The following CHD9 variants were observed in gnomAD, a reference collection of about 807,000 sequenced individuals.
CHD9 encodes chromodomain helicase DNA binding protein 9.
In CHD9, 77 loss-of-function variants were observed where a neutral mutation model predicts 316.1. The observed-to-expected ratio is 0.24, with a 90% CI of 0.20 to 0.29. The LOEUF (loss-of-function observed/expected upper bound fraction) is 0.29. Ranked by LOEUF, CHD9 falls within the 10% of genes least tolerant of loss-of-function variation. The pLI is 1.00. For missense variants in CHD9, 2,763 were observed against 3,438.1 expected (o/e 0.80, Z 4.91); for synonymous variants, 1,129 against 1,158.3 (o/e 0.97, Z 0.51).
chr16:53,156,419 A>G lies in CHD9; in HGVS notation c.330A>G (p.Gln110=). The change falls in exon 2 of 39, where the codon CAA becomes CAG. Residue 110 remains glutamine, a synonymous_variant. Coordinates refer to ENST00000447540, the MANE Select transcript of CHD9 (RefSeq NM_001308319.2). ...GTTCTCCAATCCATCCCCAAAACCA[A>G]CCCAATGGTTTGTTTCCAGATGTAT... ...FNCSPIHPQN[Q]PNGLFPDVSD... 1.2e-6 allele frequency: 2 copies of G among 1,613,944 alleles called. No homozygotes were observed. The highest frequency in any genetic ancestry group is 1.7e-6 in the Non-Finnish European group (2 of 1,179,880).
chr16:53,095,300 CT>C (rs1354221692), intron 1 of CHD9, among the ~76,000 whole-genome samples: 5 of 152,152 alleles, frequency 3.3e-5, no homozygotes, highest in Non-Finnish European at 7.3e-5. Context: ...AATATCAGCA[CT>C]TTGGGAGGGG....
At chr16:53,273,514 A>C (rs1021126549) in intron 22 of CHD9, 112 bp from the exon 23 acceptor site, 1 of 684,088 alleles carries the variant, frequency 1.5e-6, no homozygotes, top group Non-Finnish European at 2.4e-6. Context: ...TATTTTAAAG[A>C]TCTCTGAACA....
At chr16:53,262,211 T>G (rs2051207225) in intron 19 of CHD9, among the ~76,000 whole-genome samples, 1 of 152,180 alleles carries the variant, frequency 6.6e-6, no homozygotes, top group Non-Finnish European at 1.5e-5. Flanking sequence ...CTTCAATGCT[T>G]CTTTCATTTT....
intron 27 of CHD9, among the ~76,000 whole-genome samples, chr16:53,289,735 C>T (rs995368092): frequency 6.6e-5 from 10 of 152,154 alleles, no homozygotes; most frequent in Admixed American, 6.5e-4. Flanking sequence ...AGATAAAGCT[C>T]CCAAGGAAGA....
At chr16:53,073,927 C>T (rs1390504702) in intron 1 of CHD9, among the ~76,000 whole-genome samples, 4 of 152,100 alleles carry the variant, frequency 2.6e-5, no homozygotes, top group African/African-American at 7.2e-5. Context: ...AATGTGGAAG[C>T]GACTTTGGAA....
At chr16:53,118,505 GA>G in intron 1 of CHD9, among the ~76,000 whole-genome samples, 1 of 152,152 alleles carries the variant, frequency 6.6e-6, no homozygotes, top group African/African-American at 2.4e-5. Context: ...GGTAACCAGA[GA>G]AAAAGGCTAT....
At chr16:53,138,267 G>GA (rs888203483) in intron 1 of CHD9, among the ~76,000 whole-genome samples, 4 of 151,946 alleles carry the variant, frequency 2.6e-5, no homozygotes, top group East Asian at 1.9e-4. Context: ...CCATTAGTAA[G>GA]AAAAAAATGT....
In CHD9 at chr16:53,196,108, A is replaced by G. The variant is rs531752336; in HGVS notation, c.1453-13374A>G. On this transcript the variant is annotated intron_variant, in intron 2 of 38. Coordinates refer to ENST00000447540, the MANE Select transcript of CHD9 (RefSeq NM_001308319.2). Reference sequence around the variant, plus strand: ...CACAAGGGTAGAATCTTGCAAAACTATAGTACAGTATCACAGTCAAGAAAC... The same window carrying G: ...CACAAGGGTAGAATCTTGCAAAACTGTAGTACAGTATCACAGTCAAGAAAC... Among the ~76,000 whole-genome samples the G allele has an allele frequency of 4.6e-5, 7 of 152,306 alleles. No individual in the cohort carries two copies. In the East Asian group the frequency reaches 1.3e-3, roughly 29 times the overall value.
chr16:53,137,041 T>G (rs2039770626), intron 1 of CHD9, among the ~76,000 whole-genome samples: 3 of 151,944 alleles, frequency 2.0e-5, no homozygotes, highest in Admixed American at 6.6e-5. Flanking sequence ...TGGTGCAATC[T>G]CGGCTCACTG....
intron 2 of CHD9, among the ~76,000 whole-genome samples, chr16:53,164,651 G>T (rs960436976): frequency 4.0e-5 from 6 of 151,544 alleles, no homozygotes; most frequent in African/African-American, 1.2e-4. Flanking sequence ...TTGGAGGGGG[G>T]GGTTTGTTGT....
chr16:53,294,202 G>A (rs1471208134), intron 29 of CHD9, among the ~76,000 whole-genome samples: 2 of 152,114 alleles, frequency 1.3e-5, no homozygotes, highest in Non-Finnish European at 2.9e-5. Flanking sequence ...TAGAGTACAT[G>A]GAAAAGAATA....
At chr16:53,227,730 T>C in intron 7 of CHD9, 127 bp downstream of exon 7, 1 of 246,396 alleles carries the variant, frequency 4.1e-6, no homozygotes, top group Non-Finnish European at 7.5e-6. Flanking sequence ...TATTTATACC[T>C]GCATAACTCA....
chr16:53,226,291 C>T, intron 4 of CHD9, 75 bp from the exon 5 acceptor site: 1 of 1,032,668 alleles, frequency 9.7e-7, no homozygotes, highest in Non-Finnish European at 1.4e-6. Context: ...AAATTGCCAA[C>T]TCTAGGGGTA....
chr16:53,108,893 AAAAATAAAAT>A (rs146326973), intron 1 of CHD9, among the ~76,000 whole-genome samples: 7 of 151,774 alleles, frequency 4.6e-5, no homozygotes, highest in East Asian at 1.9e-4. Context: ...AAACTGTTTC[AAAAATAAAAT>A]AAAATAAAAT....
intron 1 of CHD9, among the ~76,000 whole-genome samples, chr16:53,077,542 TGG>T (rs1271539669): frequency 6.6e-6 from 1 of 151,612 alleles, no homozygotes; most frequent in African/African-American, 2.4e-5. Context: ...TTAGCCAGGA[TGG>T]GCTCTGTCTT....
intron 1 of CHD9, among the ~76,000 whole-genome samples, chr16:53,144,335 G>A (rs1313208616): frequency 3.9e-5 from 6 of 152,070 alleles, no homozygotes; most frequent in Non-Finnish European, 1.5e-5. Context: ...AGGAAACAGG[G>A]CCGGAGTTGA....
intron 2 of CHD9, among the ~76,000 whole-genome samples, chr16:53,165,002 A>T (rs988022947): frequency 6.6e-6 from 1 of 152,198 alleles, no homozygotes; most frequent in Non-Finnish European, 1.5e-5. Flanking sequence ...ATAGCAACAG[A>T]TGCCCTAAAG....
At chr16:53,263,144 T>C in intron 20 of CHD9, 47 bp downstream of exon 20, 3 of 1,373,578 alleles carry the variant, frequency 2.2e-6, no homozygotes, top group Non-Finnish European at 3.1e-6. Context: ...TGGGATACTT[T>C]GGCAATAGTA....
chr16:53,131,074 G>GCCGCCGCGGCCACCCACCGC (rs1555488323), intron 1 of CHD9: 1 of 148,294 alleles, frequency 6.7e-6, no homozygotes, highest in African/African-American at 2.5e-5. Flanking sequence ...TGCCGCCGCC[G>GCCGCCGCGGCCACCCACCGC]CCGCCGCTGC....
Sources: allele counts gnomAD v4.1 joint callset (sites outside exome capture counted in the v4.1 genomes callset), GRCh38; gene constraint gnomAD v4.1.1; transcripts MANE v1.5; gene names NCBI Gene and HGNC (gene_info 2026-07-23, HGNC 2026-07-21).